GLIS3: variants seen among roughly 807,000 people sequenced by gnomAD.
GLIS3 encodes the protein GLIS family zinc finger 3.
Under a neutral mutation model 78.6 loss-of-function variants are expected in GLIS3, and 53 were observed. The observed-to-expected ratio is 0.67, with a 90% CI of 0.54 to 0.85. The LOEUF is 0.85. GLIS3 is among the 40% of genes least tolerant of loss of function. The pLI, the probability that GLIS3 is intolerant of heterozygous loss-of-function variation, is 0.00. For synonymous variants in GLIS3, 684 were observed against 509.9 expected, an observed-to-expected ratio of 1.34 and a Z score of -4.60; for missense variants, 1,703 against 1,231.1, an observed-to-expected ratio of 1.38 and a Z score of -5.74.
intron 2 of GLIS3, among the ~76,000 whole-genome samples, chr9:4,241,250 T>C (rs943468454): frequency 6.6e-6 from 1 of 152,150 alleles, no homozygotes; most frequent in Non-Finnish European, 1.5e-5. Flanking sequence ...AGGCAAAAGA[T>C]GGTGTCTCCC....
chr9:4,314,860 G>A (rs1483206024), intron 2 of GLIS3, among the ~76,000 whole-genome samples: 3 of 152,222 alleles, frequency 2.0e-5, no homozygotes, highest in Non-Finnish European at 2.9e-5. Flanking sequence ...ATTAAGCTCA[G>A]GGCCGGGCAC....
rs57652985 is a variant in GLIS3 at position 3,887,073 on chromosome 9, A to G, written c.2129-7478T>C. Among the ~76,000 whole-genome samples the G allele has an allele frequency of 6.2e-4, 95 of 152,314 alleles. 1 individual carries two copies. The highest frequency in any genetic ancestry group is 5.8e-3 in the Admixed American group (88 of 15,288). On this transcript the variant is annotated intron_variant, in intron 7 of 10. Transcript: ENST00000381971. ...CTAATCTTTCCCTTCTCCTTGTGGC[A>G]TGAAAACTTTTAATATTGCCAATCC...
At chr9:4,043,613 G>C (rs1238725111) in intron 4 of GLIS3, among the ~76,000 whole-genome samples, 1 of 152,058 alleles carries the variant, frequency 6.6e-6, no homozygotes, top group Non-Finnish European at 1.5e-5. Flanking sequence ...AGGTGGTTTT[G>C]AGCACACTAT....
At chr9:4,054,491 T>A in intron 4 of GLIS3, 1 of 985,408 alleles carries the variant, frequency 1.0e-6, no homozygotes, top group African/African-American at 1.7e-5. Flanking sequence ...GCCTACGGGT[T>A]CTGCAGGTAC....
chr9:4,411,724 C>T, the GLIS3 span, among the ~76,000 whole-genome samples: 1 of 152,188 alleles, frequency 6.6e-6, no homozygotes, highest in African/African-American at 2.4e-5. Flanking sequence ...AGCTCATGCT[C>T]CCAAAGAAAT....
At chr9:4,350,705 G>A (rs1817958145), upstream of GLIS3, among the ~76,000 whole-genome samples, 1 of 152,118 alleles carries the variant, frequency 6.6e-6, no homozygotes, top group African/African-American at 2.4e-5. Context: ...CCTTCATTCT[G>A]GACCAAGGAA....
At chr9:4,319,601 C>T (rs1003547628) in intron 2 of GLIS3, among the ~76,000 whole-genome samples, 1 of 151,980 alleles carries the variant, frequency 6.6e-6, no homozygotes, top group African/African-American at 2.4e-5. Context: ...ATGATCATAG[C>T]TCACTGTCAC....
intron 2 of GLIS3, among the ~76,000 whole-genome samples, chr9:4,241,898 G>A (rs1823355456): frequency 6.6e-6 from 1 of 152,160 alleles, no homozygotes; most frequent in Non-Finnish European, 1.5e-5. Context: ...TGGCCAGGCT[G>A]TTCTCAAGCT....
intron 2 of GLIS3, among the ~76,000 whole-genome samples, chr9:4,283,098 T>TACACACAC (rs5896058): frequency 1.4e-4 from 21 of 149,034 alleles, no homozygotes; most frequent in African/African-American, 5.2e-4. Context: ...CACAAACACA[T>TACACACAC]ACACACACAC....
At chr9:4,077,701 G>C (rs1287310889) in intron 4 of GLIS3, among the ~76,000 whole-genome samples, 1 of 152,144 alleles carries the variant, frequency 6.6e-6, no homozygotes, top group Non-Finnish European at 1.5e-5. Flanking sequence ...GCGCGGGGGG[G>C]TAAGTGAAGG....
chr9:4,097,347 C>T (rs1307802316), intron 4 of GLIS3, among the ~76,000 whole-genome samples: 4 of 151,928 alleles, frequency 2.6e-5, no homozygotes, highest in Non-Finnish European at 4.4e-5. Context: ...GGATGTCCAT[C>T]CTAGAAGAAG....
chr9:3,836,997 C>G (rs972579849), intron 9 of GLIS3, among the ~76,000 whole-genome samples: 4 of 152,168 alleles, frequency 2.6e-5, no homozygotes, highest in Non-Finnish European at 4.4e-5. Flanking sequence ...GTTCTGGTCA[C>G]CTGGAAAAGA....
intron 4 of GLIS3, among the ~76,000 whole-genome samples, chr9:3,957,524 C>G (rs1817211778): frequency 6.6e-6 from 1 of 152,200 alleles, no homozygotes; most frequent in African/African-American, 2.4e-5. Context: ...ACTTATCAAG[C>G]AGCCCTAAGG....
At chr9:3,896,396 G>A (rs1227317048) in intron 7 of GLIS3, among the ~76,000 whole-genome samples, 3 of 152,098 alleles carry the variant, frequency 2.0e-5, no homozygotes, top group African/African-American at 7.2e-5. Context: ...CGAGCACAGT[G>A]GCTCATGCCT....
intron 4 of GLIS3, among the ~76,000 whole-genome samples, chr9:4,094,591 C>A (rs1829792114): frequency 6.6e-6 from 1 of 152,156 alleles, no homozygotes. Flanking sequence ...TCATAAATAA[C>A]TGAATGAAAG....
chr9:4,110,635 T>C (rs1389953136), intron 4 of GLIS3, among the ~76,000 whole-genome samples: 1 of 152,166 alleles, frequency 6.6e-6, no homozygotes, highest in Non-Finnish European at 1.5e-5. Flanking sequence ...GAAGGACACA[T>C]GGCTTCCCAG....
chr9:4,292,745 C>T (rs377285977), intron 1 of GLIS3, among the ~76,000 whole-genome samples: 5 of 152,266 alleles, frequency 3.3e-5, no homozygotes, highest in African/African-American at 7.2e-5. Context: ...TTTTTCATTG[C>T]AGGGGATAGG....
intron 2 of GLIS3, among the ~76,000 whole-genome samples, chr9:4,202,770 A>T (rs947066976): frequency 6.6e-5 from 10 of 152,238 alleles, no homozygotes; most frequent in Non-Finnish European, 1.3e-4. Context: ...AGCCAAATGA[A>T]GAAGAATGAA....
Position 3,970,432 on chromosome 9 carries a change from C to A in GLIS3, c.1711-33243G>T, listed in dbSNP as rs192391301. 3.3e-4 allele frequency among the ~76,000 whole-genome samples: 50 copies of A among 152,264 alleles called. No individual in the cohort carries two copies. In the East Asian group the frequency reaches 7.5e-3, roughly 23 times the overall value. On this transcript the variant is annotated intron_variant, in intron 4 of 10. Coordinates refer to ENST00000381971, the MANE Select transcript of GLIS3 (RefSeq NM_001042413.2). ...TCCAAAATGTAATTTCTTTCCTAGACAATCTGGGCAAACAAATGCATTATT... is the reference window on the plus strand; with the variant it reads ...TCCAAAATGTAATTTCTTTCCTAGAAAATCTGGGCAAACAAATGCATTATT...
Sources: gnomAD v4.1 joint callset for allele counts (sites outside exome capture counted in the v4.1 genomes callset) on GRCh38, gnomAD v4.1.1 for gene constraint, MANE v1.5 for transcripts, NCBI Gene and HGNC (gene_info 2026-07-23, HGNC 2026-07-21) for gene names.